The following TMEFF2 variants were observed in gnomAD, a reference collection of about 807,000 sequenced individuals.
TMEFF2 encodes the protein tomoregulin-2.
Under a neutral mutation model 53.8 loss-of-function variants are expected in TMEFF2, and 28 were observed. That is an observed-to-expected ratio of 0.52 (90% CI 0.39 to 0.71). TMEFF2 has a LOEUF of 0.71. TMEFF2 is among the 30% of genes least tolerant of loss of function. The pLI, the probability that TMEFF2 is intolerant of heterozygous loss-of-function variation, is 0.00. For missense variants in TMEFF2, 353 were observed against 455.2 expected (o/e 0.78, Z 2.04); for synonymous variants, 162 against 166.3 (o/e 0.97, Z 0.20).
intron 4 of TMEFF2, among the ~76,000 whole-genome samples, chr2:192,133,843 T>G (rs1382036924): frequency 6.6e-6 from 1 of 152,220 alleles, no homozygotes; most frequent in Non-Finnish European, 1.5e-5. Flanking sequence ...CTGTTACCTA[T>G]CTCGGCATAA....
intron 5 of TMEFF2, among the ~76,000 whole-genome samples, chr2:192,014,097 G>A (rs1249372851): frequency 6.6e-6 from 1 of 152,124 alleles, no homozygotes; most frequent in Admixed American, 6.5e-5. Context: ...GCTCATAGTG[G>A]ATGTGCAATA....
At chr2:192,090,399 CT>C (rs1335787296) in intron 4 of TMEFF2, among the ~76,000 whole-genome samples, 1 of 152,036 alleles carries the variant, frequency 6.6e-6, no homozygotes, top group African/African-American at 2.4e-5. Flanking sequence ...TCATAAAGTC[CT>C]TTGGCATCAT....
chr2:192,097,257 T>C (rs1688934785), intron 4 of TMEFF2, among the ~76,000 whole-genome samples: 1 of 152,222 alleles, frequency 6.6e-6, no homozygotes, highest in African/African-American at 2.4e-5. Flanking sequence ...TGCAAAGGAT[T>C]GCAAGTAAAA....
At chr2:192,054,132 G>T (rs931181637) in intron 5 of TMEFF2, among the ~76,000 whole-genome samples, 1 of 151,476 alleles carries the variant, frequency 6.6e-6, no homozygotes, top group Non-Finnish European at 1.5e-5. Context: ...GGAGGTTCAG[G>T]CTTATTCTGC....
At chr2:192,060,347 G>A (rs1207816148) in intron 4 of TMEFF2, among the ~76,000 whole-genome samples, 1 of 152,172 alleles carries the variant, frequency 6.6e-6, no homozygotes, top group East Asian at 1.9e-4. Flanking sequence ...CCCAGATGCT[G>A]CTGCTGTTGG....
At chr2:192,157,549 T>A (rs1183794170) in intron 4 of TMEFF2, among the ~76,000 whole-genome samples, 2 of 152,200 alleles carry the variant, frequency 1.3e-5, no homozygotes, top group Middle Eastern at 6.8e-3. Flanking sequence ...TCTGAAATGA[T>A]GTCTCCAATA....
At chr2:192,094,673 A>G (rs182291642) in intron 4 of TMEFF2, among the ~76,000 whole-genome samples, 135 of 152,322 alleles carry the variant, frequency 8.9e-4, no homozygotes, top group Non-Finnish European at 1.7e-3. Flanking sequence ...ATCAGAGATC[A>G]TGTTTGAAAA....
intron 4 of TMEFF2, among the ~76,000 whole-genome samples, chr2:192,165,057 C>T (rs1178880783): frequency 6.6e-6 from 1 of 150,936 alleles, no homozygotes; most frequent in Non-Finnish European, 1.5e-5. Flanking sequence ...AAGCCAAAGA[C>T]ACATCACACA....
At chr2:192,178,656 AAGG>A (rs1691110635) in intron 4 of TMEFF2, 1 of 151,272 alleles carries the variant, frequency 6.6e-6, no homozygotes, top group Non-Finnish European at 1.5e-5. Flanking sequence ...TTCATTACAT[AAGG>A]AAACTTGATA....
At chr2:192,075,907 GA>G (rs1337451624) in intron 4 of TMEFF2, among the ~76,000 whole-genome samples, 2 of 151,612 alleles carry the variant, frequency 1.3e-5, no homozygotes, top group Non-Finnish European at 2.9e-5. Flanking sequence ...GGAAGGAAGA[GA>G]AAAAGGAGGA....
rs371336126 is a variant in TMEFF2, at chr2:192,133,176, G to A, written c.439+46492C>T. Among the ~76,000 whole-genome samples the A allele has an allele frequency of 3.9e-5, 6 of 152,052 alleles. No homozygotes were observed. In the East Asian group the frequency reaches 5.8e-4, roughly 15 times the overall value. On this transcript the variant is annotated intron_variant, in intron 4 of 9. Coordinates refer to ENST00000272771, the MANE Select transcript of TMEFF2 (RefSeq NM_016192.4). ...CCCACCTGCCCAGTTCCCTTATTAG[G>A]CGGAGACACTTTAACTAAATTATCT...
At chr2:192,120,116 C>T (rs941475913) in intron 4 of TMEFF2, among the ~76,000 whole-genome samples, 1 of 152,118 alleles carries the variant, frequency 6.6e-6, no homozygotes, top group East Asian at 1.9e-4. Context: ...GCTGGTAGGG[C>T]AAATTTCCAA....
Position 192,182,713 on chromosome 2 carries a change from G to T in TMEFF2, c.412+1641C>A, listed in dbSNP as rs546820892. On this transcript the variant is annotated intron_variant, in intron 3 of 9. Transcript: ENST00000272771. ...TTCTCATGTGGCTATTGTTAGAAAA[G>T]AACAGATATCCTCCATGATCTTGAT... Among the ~76,000 whole-genome samples, 7 of 152,100 alleles carry T rather than the reference G, an allele frequency of 4.6e-5. No homozygotes were observed. In the South Asian group the frequency reaches 1.2e-3, roughly 27 times the overall value.
At chr2:192,040,679 A>G (rs1213797657) in intron 5 of TMEFF2, among the ~76,000 whole-genome samples, 1 of 152,186 alleles carries the variant, frequency 6.6e-6, no homozygotes, top group African/African-American at 2.4e-5. Context: ...AGATGATGTT[A>G]GAGCCCAAAG....
intron 4 of TMEFF2, among the ~76,000 whole-genome samples, chr2:192,156,024 A>AC (rs1690499084): frequency 6.6e-6 from 1 of 151,814 alleles, no homozygotes; most frequent in African/African-American, 2.4e-5. Flanking sequence ...GAAAAAAAAA[A>AC]ACAAGATAAT....
At chr2:192,164,676 C>T (rs1264161673) in intron 4 of TMEFF2, among the ~76,000 whole-genome samples, 1 of 149,858 alleles carries the variant, frequency 6.7e-6, no homozygotes, top group Non-Finnish European at 1.5e-5. Flanking sequence ...TGCAGTGAGC[C>T]AAGATCATGC....
At chr2:191,956,411 T>C (rs1468448522) in intron 7 of TMEFF2, 33 bp from the exon 8 acceptor site, 10 of 1,603,830 alleles carry the variant, frequency 6.2e-6, no homozygotes, top group Non-Finnish European at 8.5e-6. Context: ...GCACCCCCTG[T>C]AAATACTTAG....
In TMEFF2 at chr2:192,194,620, G is replaced by C; in HGVS notation, c.-96C>G. The C allele has an allele frequency of 7.0e-7, 1 of 1,438,102 alleles. No individual in the cohort carries two copies. The highest frequency in any genetic ancestry group is 9.5e-7 in the Non-Finnish European group (1 of 1,056,086). 89.1% of individuals were successfully genotyped at this position (1,438,102 alleles called of 1,614,324 possible). A position where few individuals can be genotyped will look rare whatever the true frequency, so the allele number is the denominator to read the frequency against. The stretch of plus-strand genomic sequence containing the variant: ...GGCTACTGAGCATCCCGCGGACGGC[G>C]GCAGCAGAGGCGGCGGCGGTGGCAG... On this transcript the variant is annotated 5_prime_UTR_variant, in exon 1 of 10. Transcript: ENST00000272771. This position sits in a 1 kb window ranked among gnomAD's most constrained non-coding sequence, Gnocchi z 4.2.
At chr2:192,075,579 A>G (rs1258715202) in intron 4 of TMEFF2, among the ~76,000 whole-genome samples, 1 of 151,694 alleles carries the variant, frequency 6.6e-6, no homozygotes, top group East Asian at 2.0e-4. Flanking sequence ...AAGCAAAACG[A>G]AGGCATATAG....
Sources: allele counts gnomAD v4.1 joint callset (sites outside exome capture counted in the v4.1 genomes callset), GRCh38; gene constraint gnomAD v4.1.1; non-coding constraint Gnocchi (gnomAD v3.1); transcripts MANE v1.5; gene names NCBI Gene and HGNC (gene_info 2026-07-23, HGNC 2026-07-21).